NAV3: variants seen among roughly 807,000 people sequenced by gnomAD.
NAV3 encodes neuron navigator 3, also known as pore membrane and/or filament interacting like protein 1.
In NAV3, 87 loss-of-function variants were observed where a neutral mutation model predicts 244.7. That is an observed-to-expected ratio of 0.36 (90% CI 0.30 to 0.42). NAV3 has a LOEUF of 0.42. Ranked by LOEUF, NAV3 falls within the 20% of genes least tolerant of loss-of-function variation. The pLI is 1.00. For missense variants in NAV3, 2,663 were observed against 2,893.3 expected (o/e 0.92, Z 1.83); for synonymous variants, 1,126 against 1,042.2 (o/e 1.08, Z -1.55).
chr12:77,831,952 T>G (rs887512326), intron 1 of NAV3, among the ~76,000 whole-genome samples: 7 of 152,214 alleles, frequency 4.6e-5, no homozygotes, highest in Admixed American at 3.3e-4. Context: ...TACTACTTAT[T>G]GATGAATGCC....
rs2136565980 is a variant in NAV3 at position 78,006,691 on chromosome 12, C to T, written c.1153C>T (p.Leu385Phe). 1.2e-6 allele frequency: 2 copies of T among 1,614,120 alleles called. No individual in the cohort carries two copies. The highest frequency in any genetic ancestry group is 1.7e-6 in the Non-Finnish European group (2 of 1,180,022). The change falls in exon 8 of 40, where the codon CTT becomes TTT. Residue 385 changes from leucine (L) to phenylalanine (F), a missense_variant. Leu to Phe is a conservative substitution (Grantham distance 22, BLOSUM62 0). Coordinates refer to ENST00000397909, the MANE Select transcript of NAV3 (RefSeq NM_001024383.2). ...TGCTCCCTCAGGACAGAAATCCATG[C>T]TTGAGAAATTCAAGCTAGTCAATGC... Reference protein sequence around the residue: ...KTAPSGQKSMLEKFKLVNART... With the variant: ...KTAPSGQKSMFEKFKLVNART...
intron 12 of NAV3, among the ~76,000 whole-genome samples, chr12:78,095,088 CATAT>C (rs550514901): frequency 1.5e-5 from 2 of 133,432 alleles, no homozygotes; most frequent in African/African-American, 5.2e-5. Context: ...CACACACACA[CATAT>C]ATATATACAC....
intron 2 of NAV3, among the ~76,000 whole-genome samples, chr12:77,641,527 A>G (rs1228900134): frequency 6.6e-6 from 1 of 152,154 alleles, no homozygotes; most frequent in Non-Finnish European, 1.5e-5. Context: ...ATAAAAAGGA[A>G]TTTGTATGCT....
At chr12:77,900,487 T>C (rs113523243) in intron 1 of NAV3, among the ~76,000 whole-genome samples, 1 of 152,220 alleles carries the variant, frequency 6.6e-6, no homozygotes, top group Admixed American at 6.5e-5. Flanking sequence ...GGCCTCCAGA[T>C]GCATCCATGT....
chr12:78,069,159 A>T (rs1289295515), intron 12 of NAV3, among the ~76,000 whole-genome samples: 4 of 151,848 alleles, frequency 2.6e-5, no homozygotes, highest in African/African-American at 4.8e-5. Flanking sequence ...TTCTTGCTTG[A>T]CTTAATTTGC....
chr12:77,873,744 G>GTGTGTATATATATATATA (rs776225440), intron 1 of NAV3, among the ~76,000 whole-genome samples: 1,667 of 72,558 alleles, frequency 0.023, 89 homozygotes, highest in Middle Eastern at 0.04. Context: ...ATGTGTGTGT[G>GTGTGTATATATATATATA]TATATATATA....
intron 14 of NAV3, among the ~76,000 whole-genome samples, 156 bp downstream of exon 14, chr12:78,118,453 T>G (rs1955520737): frequency 6.6e-6 from 1 of 152,214 alleles, no homozygotes; most frequent in Non-Finnish European, 1.5e-5. Flanking sequence ...CTGTCTACGT[T>G]TCACAAACTC....
At chr12:77,705,061 T>G (rs1271033005) in intron 2 of NAV3, among the ~76,000 whole-genome samples, 5 of 152,204 alleles carry the variant, frequency 3.3e-5, no homozygotes, top group Admixed American at 3.3e-4. Context: ...AGAATATGTC[T>G]TTGTAACATT....
intron 8 of NAV3, among the ~76,000 whole-genome samples, chr12:78,016,281 G>T (rs1479034): frequency 0.54 from 81,161 of 151,662 alleles, 21,925 homozygotes; most frequent in African/African-American, 0.56. Flanking sequence ...ATACATTGAA[G>T]CATTATTTAT....
At chr12:77,672,313 A>G (rs1347940338) in intron 2 of NAV3, among the ~76,000 whole-genome samples, 5 of 152,122 alleles carry the variant, frequency 3.3e-5, no homozygotes. Context: ...AACTAGTAAA[A>G]CCATTACGGA....
At chr12:77,825,186 T>C (rs1872924449) in intron 2 of NAV3, among the ~76,000 whole-genome samples, 1 of 152,166 alleles carries the variant, frequency 6.6e-6, no homozygotes, top group African/African-American at 2.4e-5. Flanking sequence ...AGACAGTTAA[T>C]TGCCAGCAAA....
intron 2 of NAV3, among the ~76,000 whole-genome samples, chr12:77,769,836 A>G (rs988062109): frequency 2.6e-5 from 4 of 152,222 alleles, no homozygotes; most frequent in Non-Finnish European, 5.9e-5. Context: ...AGTGAATATT[A>G]TTAATTTTAA....
chr12:78,036,705 T>A lies in NAV3; in HGVS notation c.2024-13288T>A. 3 of 537,656 alleles carry A rather than the reference T, an allele frequency of 5.6e-6. No individual in the cohort carries two copies. The South Asian group carries it at 8.8e-5, about 16-fold the overall frequency. The allele number at this position is 537,656 out of a possible 1,614,324, so 33.3% of individuals were successfully genotyped here. On this transcript the variant is annotated intron_variant, in intron 9 of 39. Transcript: ENST00000397909. Reference sequence around the variant, plus strand: ...TGTGTCAAGCTAAATTGGGGGCAAATAATTATATATACTATATCTCTAGAA... The same window carrying A: ...TGTGTCAAGCTAAATTGGGGGCAAAAAATTATATATACTATATCTCTAGAA...
intron 2 of NAV3, among the ~76,000 whole-genome samples, chr12:77,607,574 G>A (rs1052861405): frequency 6.6e-6 from 1 of 152,046 alleles, no homozygotes; most frequent in Non-Finnish European, 1.5e-5. Flanking sequence ...TAAGAGAGGG[G>A]ATTGTAGCCA....
At chr12:77,873,423 A>G (rs907393997) in intron 1 of NAV3, among the ~76,000 whole-genome samples, 8 of 151,844 alleles carry the variant, frequency 5.3e-5, no homozygotes, top group African/African-American at 1.9e-4. Flanking sequence ...ATGAAATGAT[A>G]TTTCTTAAAT....
chr12:77,926,264 C>T (rs1018654922), intron 1 of NAV3, among the ~76,000 whole-genome samples: 1 of 152,026 alleles, frequency 6.6e-6, no homozygotes, highest in Non-Finnish European at 1.5e-5. Flanking sequence ...CTTGAAACAC[C>T]TTTGAGGTAG....
intron 1 of NAV3, among the ~76,000 whole-genome samples, chr12:77,866,535 C>T (rs1027027563): frequency 2.6e-5 from 4 of 152,126 alleles, no homozygotes; most frequent in Admixed American, 2.6e-4. Context: ...CAAACATTTC[C>T]TCCTATCCCA....
chr12:77,977,709 C>T (rs1012215179), intron 5 of NAV3, among the ~76,000 whole-genome samples: 1 of 47,658 alleles, frequency 2.1e-5, no homozygotes, highest in South Asian at 7.9e-4. Flanking sequence ...CACACACACA[C>T]GCGCACACAC....
At chr12:77,702,200 G>A (rs775820980) in intron 2 of NAV3, among the ~76,000 whole-genome samples, 5 of 151,934 alleles carry the variant, frequency 3.3e-5, no homozygotes, top group Non-Finnish European at 5.9e-5. Context: ...TCTATCATTA[G>A]TGCAAAAGGT....
Sources: gnomAD v4.1 joint callset for allele counts (sites outside exome capture counted in the v4.1 genomes callset) on GRCh38, gnomAD v4.1.1 for gene constraint, MANE v1.5 for transcripts, NCBI Gene and HGNC (gene_info 2026-07-23, HGNC 2026-07-21) for gene names.